Variants in PRKG1 observed in about 807,000 individuals in gnomAD.
PRKG1 encodes protein kinase cGMP-dependent 1.
PRKG1 carries 35 observed loss-of-function variants against 88.1 expected under a neutral mutation model. That is an observed-to-expected ratio of 0.40 (90% confidence interval 0.30 to 0.53). The LOEUF (loss-of-function observed/expected upper bound fraction) is 0.53, where lower values mean the gene tolerates loss of function less well. Ranked by LOEUF, PRKG1 falls within the 20% of genes least tolerant of loss-of-function variation. PRKG1 has a pLI of 0.59. For missense variants in PRKG1, 540 were observed against 839.8 expected, an observed-to-expected ratio of 0.64 and a Z score of 4.41; for synonymous variants, 303 against 292.5, an observed-to-expected ratio of 1.04 and a Z score of -0.37.
chr10:51,114,452 T>TGTGTGTGTGTGG (rs1845059242), intron 1 of PRKG1, among the ~76,000 whole-genome samples: 2 of 151,762 alleles, frequency 1.3e-5, no homozygotes, highest in South Asian at 4.2e-4. Flanking sequence ...TGTGTGTGTG[T>TGTGTGTGTGTGG]GGATGTGCAC....
chr10:52,233,532 C>T (rs1302086584), intron 9 of PRKG1, among the ~76,000 whole-genome samples: 3 of 148,654 alleles, frequency 2.0e-5, no homozygotes, highest in South Asian at 2.2e-4. Flanking sequence ...GTTCCCTTTC[C>T]GAGTCAAAGA....
At chr10:51,464,639 C>T (rs1032174120) in intron 2 of PRKG1, among the ~76,000 whole-genome samples, 6 of 151,890 alleles carry the variant, frequency 4.0e-5, no homozygotes, top group Non-Finnish European at 8.8e-5. Flanking sequence ...CGCCTGTAAT[C>T]CCAGCACTTT....
intron 4 of PRKG1, among the ~76,000 whole-genome samples, chr10:51,867,580 G>A (rs997113294): frequency 6.6e-6 from 1 of 152,048 alleles, no homozygotes; most frequent in Non-Finnish European, 1.5e-5. Flanking sequence ...GTTAAATGTG[G>A]GGGAAGCAAG....
At chr10:51,563,611 T>A (rs1837527045) in intron 3 of PRKG1, among the ~76,000 whole-genome samples, 1 of 148,336 alleles carries the variant, frequency 6.7e-6, no homozygotes, top group Non-Finnish European at 1.5e-5. Flanking sequence ...AACAGAACGT[T>A]TGTCGACTGT....
intron 2 of PRKG1, among the ~76,000 whole-genome samples, chr10:51,227,239 A>G (rs1042984842): frequency 6.6e-6 from 1 of 151,806 alleles, no homozygotes; most frequent in Admixed American, 6.6e-5. Flanking sequence ...CATGTCAGTC[A>G]TCATAGGCTT....
intron 2 of PRKG1, among the ~76,000 whole-genome samples, chr10:51,198,380 G>A: frequency 6.6e-6 from 1 of 152,194 alleles, no homozygotes; most frequent in South Asian, 2.1e-4. Flanking sequence ...ACTGCATTGT[G>A]TAAAGCCTAT....
intron 2 of PRKG1, among the ~76,000 whole-genome samples, chr10:51,376,799 C>G (rs184942851): frequency 6.6e-6 from 1 of 152,022 alleles, no homozygotes; most frequent in Non-Finnish European, 1.5e-5. Flanking sequence ...CTCAGCCTCC[C>G]GAGTAGCTGG....
At chr10:52,203,500 G>A (rs1316798399) in intron 9 of PRKG1, among the ~76,000 whole-genome samples, 1 of 152,116 alleles carries the variant, frequency 6.6e-6, no homozygotes, top group Non-Finnish European at 1.5e-5. Context: ...GATGTTTTGG[G>A]GTGAAGTGTT....
At position 51,467,976 on chromosome 10, in the gene PRKG1, T is replaced by A. The variant is rs575192532; in HGVS notation, c.592+140T>A. The A allele has an allele frequency of 4.2e-6, 3 of 711,598 alleles. No individual in the cohort carries two copies. The African/African-American group carries it at 5.3e-5, about 13-fold the overall frequency. The allele number at this position is 711,598 out of a possible 1,614,324, so 44.1% of individuals were successfully genotyped here. A position where few individuals can be genotyped will look rare whatever the true frequency, so the allele number is the denominator to read the frequency against. On this transcript the variant is annotated intron_variant, in intron 3 of 17. Transcript: ENST00000373980. ...AATTTTTGCCCTGCAATATAGCTGATGTATTTGTTTTCCTACTAAAGGTGA... is the reference window on the plus strand; with the variant it reads ...AATTTTTGCCCTGCAATATAGCTGAAGTATTTGTTTTCCTACTAAAGGTGA...
intron 2 of PRKG1, among the ~76,000 whole-genome samples, chr10:51,283,341 A>G (rs921210619): frequency 6.6e-6 from 1 of 152,196 alleles, no homozygotes; most frequent in African/African-American, 2.4e-5. Flanking sequence ...TAAGGAAAAA[A>G]ATCCCTTCTC....
rs1252339762 is a variant in PRKG1 at position 52,297,592 on chromosome 10, C to A, written c.*3692C>A. ...TGTATCTGTTAATGAGATACAGCGT[C>A]ATTTCTGTGAAATGTATAAATGTAT... On this transcript the variant is annotated 3_prime_UTR_variant, in exon 18 of 18. Coordinates refer to ENST00000373980, the MANE Select transcript of PRKG1 (RefSeq NM_006258.4). 6.6e-6 allele frequency: 1 copy of A among 152,154 alleles called. No individual in the cohort carries two copies. Among genetic ancestry groups the A allele is most frequent in the Non-Finnish European group, 1.5e-5 (1 of 68,010 alleles). 9.4% of individuals were successfully genotyped at this position (152,154 alleles called of 1,614,324 possible).
At chr10:52,291,937 T>A (rs1193454175) in intron 17 of PRKG1, among the ~76,000 whole-genome samples, 2 of 152,170 alleles carry the variant, frequency 1.3e-5, no homozygotes, top group African/African-American at 4.8e-5. Context: ...TTTTTAATGA[T>A]CGCCATTCTA....
chr10:51,143,509 A>G (rs1240427311), intron 1 of PRKG1, among the ~76,000 whole-genome samples: 1 of 152,006 alleles, frequency 6.6e-6, no homozygotes, highest in East Asian at 1.9e-4. Context: ...TAGTGGGATA[A>G]CATGGTAGTT....
intron 2 of PRKG1, among the ~76,000 whole-genome samples, chr10:51,394,253 C>CCA (rs779342437): frequency 5.6e-4 from 86 of 152,296 alleles, no homozygotes; most frequent in Non-Finnish European, 6.3e-4. Flanking sequence ...ACATAAATCA[C>CCA]CACCATGTGG....
At chr10:51,757,143 G>A (rs902234167) in intron 3 of PRKG1, among the ~76,000 whole-genome samples, 2 of 151,404 alleles carry the variant, frequency 1.3e-5, no homozygotes, top group Non-Finnish European at 2.9e-5. Context: ...TACTCTGTCC[G>A]AAGGCTGGAG....
intron 5 of PRKG1, among the ~76,000 whole-genome samples, chr10:51,942,856 C>T (rs2037766315): frequency 6.6e-6 from 1 of 150,474 alleles, no homozygotes; most frequent in South Asian, 2.1e-4. Flanking sequence ...GTTACTGTAG[C>T]CTTGTAGTAT....
chr10:52,150,165 A>T (rs1444381060), intron 8 of PRKG1, among the ~76,000 whole-genome samples: 1 of 117,728 alleles, frequency 8.5e-6, no homozygotes, highest in Non-Finnish European at 1.8e-5. Context: ...TAATAATAAT[A>T]ATAATAATAA....
At chr10:51,055,940 C>T (rs1467038439) in intron 1 of PRKG1, among the ~76,000 whole-genome samples, 1 of 152,072 alleles carries the variant, frequency 6.6e-6, no homozygotes, top group African/African-American at 2.4e-5. Flanking sequence ...TACTTATGGA[C>T]AGACTATTGG....
At chr10:52,068,320 T>C (rs964716397) in intron 7 of PRKG1, among the ~76,000 whole-genome samples, 4 of 151,646 alleles carry the variant, frequency 2.6e-5, no homozygotes, top group Admixed American at 1.3e-4. Flanking sequence ...TCTCCAGTGA[T>C]AGGAAATATG....
Sources: allele counts gnomAD v4.1 joint callset (sites outside exome capture counted in the v4.1 genomes callset), GRCh38; gene constraint gnomAD v4.1.1; transcripts MANE v1.5; gene names NCBI Gene and HGNC (gene_info 2026-07-23, HGNC 2026-07-21).